PATJ: variants seen among roughly 807,000 people sequenced by gnomAD.
PATJ encodes inaD-like protein.
Under a neutral mutation model 224.9 loss-of-function variants are expected in PATJ, and 190 were observed. The ratio of observed to expected loss-of-function variants is 0.84; its 90% confidence interval spans 0.75 to 0.95. The LOEUF (loss-of-function observed/expected upper bound fraction) is 0.95, where lower values mean the gene tolerates loss of function less well. PATJ is among the 40% of genes least tolerant of loss of function. The pLI is 0.00. For synonymous variants in PATJ, 769 were observed against 820.3 expected (o/e 0.94, Z 1.07); for missense variants, 2,121 against 2,270.3 (o/e 0.93, Z 1.34).
At position 61,864,238 on chromosome 1, in the gene PATJ, G is replaced by C. The variant is rs748352286; in HGVS notation, c.2440G>C (p.Gly814Arg). 1.3e-6 allele frequency: 2 copies of C among 1,596,232 alleles called. No individual in the cohort carries two copies. The highest frequency in any genetic ancestry group is 1.7e-6 in the Non-Finnish European group (2 of 1,171,718). The change falls in exon 20 of 44, where the codon GGA (glycine) becomes CGA (arginine). Residue 814 changes from glycine to arginine, a missense_variant and splice_region_variant. Gly to Arg is a moderately radical substitution (Grantham distance 125). Coordinates refer to ENST00000642238, the MANE Select transcript of PATJ (RefSeq NM_001350145.3). ...ATTTTTTTGCATCTTTTATTTATAGGGATTTAGAGATGAACCATATTTTAA... is the reference window on the plus strand; with the variant it reads ...ATTTTTTTGCATCTTTTATTTATAGCGATTTAGAGATGAACCATATTTTAA... Reference protein sequence around the residue: ...NSSLILEAPKGFRDEPYFKEE... With the variant: ...NSSLILEAPKRFRDEPYFKEE...
intron 20 of PATJ, among the ~76,000 whole-genome samples, chr1:61,869,307 C>G (rs1044995552): frequency 6.6e-6 from 1 of 151,686 alleles, no homozygotes; most frequent in Non-Finnish European, 1.5e-5. Context: ...GGGGTTTCAC[C>G]GTTTTAGCCG....
chr1:61,964,418 T>C (rs897181977), intron 27 of PATJ, among the ~76,000 whole-genome samples: 5 of 152,180 alleles, frequency 3.3e-5, no homozygotes, highest in Non-Finnish European at 7.3e-5. Context: ...TTCTCGACTA[T>C]TCTTAAAATA....
intron 26 of PATJ, among the ~76,000 whole-genome samples, chr1:61,918,698 C>T (rs1448735684): frequency 6.6e-6 from 1 of 152,088 alleles, no homozygotes; most frequent in Non-Finnish European, 1.5e-5. Flanking sequence ...CCTGGTGGCT[C>T]ACTCCTGTAA....
At chr1:61,952,981 TG>T (rs971204170) in intron 27 of PATJ, among the ~76,000 whole-genome samples, 7 of 152,216 alleles carry the variant, frequency 4.6e-5, no homozygotes, top group Non-Finnish European at 8.8e-5. Context: ...TTATTTTATT[TG>T]CTAGTTGTGT....
chr1:61,827,434 C>T lies in PATJ; in HGVS notation c.1831C>T (p.Gln611Ter). ...CTTGTCTTCCTAGGTCAATGGCATGCAGCTTTATGGAAAATCTCGCCGAGA... is the reference window on the plus strand; with the variant it reads ...CTTGTCTTCCTAGGTCAATGGCATGTAGCTTTATGGAAAATCTCGCCGAGA... ...EDELLEVNGM[Q>*]LYGKSRREAV... The change falls in exon 16 of 44, where the codon CAG becomes TAG. Residue 611 changes from glutamine (Q) to a stop codon, truncating the protein, a stop_gained. Transcript: ENST00000642238. LOFTEE classifies it high-confidence loss of function. The T allele has an allele frequency of 6.2e-7, 1 of 1,613,690 alleles. No homozygotes were observed. Among genetic ancestry groups the T allele is most frequent in the Non-Finnish European group, 8.5e-7 (1 of 1,179,826 alleles).
At chr1:61,879,078 C>G (rs778745630) in intron 21 of PATJ, among the ~76,000 whole-genome samples, 75 of 152,338 alleles carry the variant, frequency 4.9e-4, no homozygotes, top group Non-Finnish European at 8.7e-4. Flanking sequence ...GCCACCGCAC[C>G]TGGCCAAATT....
chr1:61,886,064 T>C (rs1054586032), intron 22 of PATJ, among the ~76,000 whole-genome samples: 8 of 151,850 alleles, frequency 5.3e-5, no homozygotes, highest in African/African-American at 1.9e-4. Flanking sequence ...CATTAGGAGA[T>C]ATACCTAATG....
rs1425709435 is a variant in PATJ at position 62,017,934 on chromosome 1, C to G, written c.3946C>G (p.Leu1316Val). 6.2e-7 allele frequency: 1 copy of G among 1,606,332 alleles called. No individual in the cohort carries two copies. The highest frequency in any genetic ancestry group is 1.7e-5 in the Admixed American group (1 of 60,012). ...IIKTAPSKVK[L>V]VFIRNEDAVN... ...TAAGACTGCCCCATCAAAGGTCAAG[C>G]TGGTTTTCATCAGGTAAGATTGCTA... Residue 1316 changes from leucine (L) to valine (V), a missense_variant, in exon 29 of 44, where the codon CTG (leucine) becomes GTG (valine). Physicochemically the swap from Leu to Val is conservative, Grantham distance 32. Transcript: ENST00000642238.
At chr1:62,092,893 G>A (rs940250605) in intron 33 of PATJ, among the ~76,000 whole-genome samples, 2 of 150,734 alleles carry the variant, frequency 1.3e-5, no homozygotes, top group East Asian at 2.0e-4. Context: ...AGGCACGCGC[G>A]ACCACACCCA....
intron 33 of PATJ, among the ~76,000 whole-genome samples, chr1:62,096,191 G>A (rs1325281387): frequency 6.6e-6 from 1 of 152,200 alleles, no homozygotes; most frequent in Non-Finnish European, 1.5e-5. Flanking sequence ...TATGGGAACT[G>A]AAACAAGAAG....
chr1:62,106,061 A>AAAAT (rs1558175484), intron 33 of PATJ, among the ~76,000 whole-genome samples: 1 of 32,536 alleles, frequency 3.1e-5, no homozygotes, highest in Non-Finnish European at 6.4e-5. Flanking sequence ...AAAAAAAAAA[A>AAAAT]AAATATATAT....
intron 7 of PATJ, among the ~76,000 whole-genome samples, chr1:61,780,745 TTACTG>T (rs1647208655): frequency 6.6e-6 from 1 of 152,194 alleles, no homozygotes; most frequent in Admixed American, 6.5e-5. Context: ...ATAGGTTTCT[TTACTG>T]TAAGAATTTT....
intron 28 of PATJ, among the ~76,000 whole-genome samples, chr1:62,003,168 A>G (rs1441090756): frequency 1.3e-5 from 2 of 152,200 alleles, no homozygotes; most frequent in African/African-American, 4.8e-5. Flanking sequence ...CATGCAGCTA[A>G]TGGGAAATTA....
chr1:61,754,156 A>G (rs1390671488), intron 1 of PATJ, among the ~76,000 whole-genome samples: 3 of 152,184 alleles, frequency 2.0e-5, no homozygotes, highest in Non-Finnish European at 4.4e-5. Flanking sequence ...CTTAATTTCT[A>G]GCTGTGACCA....
At chr1:62,125,253 A>AC (rs1665574407) in intron 39 of PATJ, among the ~76,000 whole-genome samples, 1 of 101,800 alleles carries the variant, frequency 9.8e-6, no homozygotes, top group Non-Finnish European at 2.0e-5. Context: ...AAAAAAAAAA[A>AC]CAAAAAAAAA....
chr1:62,127,903 C>A, intron 39 of PATJ, 69 bp from the exon 40 acceptor site: 1 of 1,531,864 alleles, frequency 6.5e-7, no homozygotes, highest in Non-Finnish European at 9.0e-7. Context: ...CAACAGCTAT[C>A]TATCTAGGGA....
chr1:61,797,113 A>T (rs1051218790), intron 10 of PATJ, among the ~76,000 whole-genome samples, 174 bp from the exon 11 acceptor site: 2 of 152,118 alleles, frequency 1.3e-5, no homozygotes, highest in Non-Finnish European at 2.9e-5. Flanking sequence ...GTGATCCATG[A>T]TCCACCCACC....
At chr1:61,809,204 A>G (rs750728607) in intron 14 of PATJ, among the ~76,000 whole-genome samples, 38 of 152,160 alleles carry the variant, frequency 2.5e-4, no homozygotes, top group Non-Finnish European at 4.6e-4. Flanking sequence ...ATTCTGGATA[A>G]GCAGAGGCCA....
intron 20 of PATJ, among the ~76,000 whole-genome samples, chr1:61,871,131 T>G (rs1666302931): frequency 6.7e-6 from 1 of 148,478 alleles, no homozygotes; most frequent in Non-Finnish European, 1.5e-5. Context: ...TCTATGTTCT[T>G]ATTTTCTTCT....
Sources: gnomAD v4.1 joint callset for allele counts (sites outside exome capture counted in the v4.1 genomes callset) on GRCh38, gnomAD v4.1.1 for gene constraint, MANE v1.5 for transcripts, NCBI Gene and HGNC (gene_info 2026-07-23, HGNC 2026-07-21) for gene names.